The following TMEM87B variants were observed in gnomAD, a reference collection of about 807,000 sequenced individuals.
TMEM87B encodes the protein transmembrane protein 87B.
TMEM87B carries 83 observed loss-of-function variants against 80.3 expected under a neutral mutation model. That is an observed-to-expected ratio of 1.03 (90% CI 0.87 to 1.24). TMEM87B has a LOEUF of 1.24. TMEM87B is among the 50% of genes most tolerant of loss of function. The pLI is 0.00. For synonymous variants in TMEM87B, 219 were observed against 230.5 expected (o/e 0.95, Z 0.45); for missense variants, 625 against 674.4 (o/e 0.93, Z 0.81).
At chr2:112,078,268 G>A (rs1678881176) in intron 6 of TMEM87B, among the ~76,000 whole-genome samples, 1 of 152,204 alleles carries the variant, frequency 6.6e-6, no homozygotes, top group Non-Finnish European at 1.5e-5. Context: ...TTTCCCCACA[G>A]TTCTTGAGGC....
intron 15 of TMEM87B, among the ~76,000 whole-genome samples, chr2:112,104,025 A>G (rs1269213560): frequency 6.6e-6 from 1 of 152,184 alleles, no homozygotes; most frequent in Non-Finnish European, 1.5e-5. Context: ...TGGTACTGGA[A>G]CAACTGGATA....
rs147997685 is a variant in TMEM87B at position 112,078,749 on chromosome 2, A to G, written c.592+1467A>G. On this transcript the variant is annotated intron_variant, in intron 6 of 18. Transcript: ENST00000283206. ...GCATGTTTTGCACTGTACTCGGCAC[A>G]TGGTTTATTATTGCTATCTCAGACA... Among the ~76,000 whole-genome samples the G allele has an allele frequency of 1.6e-4, 24 of 152,306 alleles. No homozygotes were observed. In the East Asian group the frequency reaches 3.9e-3, roughly 25 times the overall value.
intron 9 of TMEM87B, among the ~76,000 whole-genome samples, chr2:112,087,634 G>A (rs1473311116): frequency 2.6e-5 from 4 of 152,020 alleles, no homozygotes; most frequent in East Asian, 1.9e-4. Flanking sequence ...TTCTTGCATC[G>A]TCAGCTTTCC....
chr2:112,083,136 C>T (rs372627500), intron 8 of TMEM87B, among the ~76,000 whole-genome samples: 1 of 152,172 alleles, frequency 6.6e-6, no homozygotes, highest in Non-Finnish European at 1.5e-5. Flanking sequence ...TAGGACCCGA[C>T]GTGGGTATGT....
At chr2:112,057,015 T>C (rs546086218) in intron 1 of TMEM87B, among the ~76,000 whole-genome samples, 1 of 152,334 alleles carries the variant, frequency 6.6e-6, no homozygotes, top group South Asian at 2.1e-4. Flanking sequence ...AGATCTTTGC[T>C]AAGTGTACTG....
intron 9 of TMEM87B, among the ~76,000 whole-genome samples, chr2:112,086,774 G>A (rs748615669): frequency 2.4e-4 from 37 of 152,102 alleles, no homozygotes; most frequent in African/African-American, 8.7e-4. Context: ...GTCGTCCTCA[G>A]CATTTCATCT....
chr2:112,079,829 C>T (rs989460188), intron 6 of TMEM87B, among the ~76,000 whole-genome samples: 1 of 151,622 alleles, frequency 6.6e-6, no homozygotes, highest in African/African-American at 2.4e-5. Flanking sequence ...TTTTAATTTG[C>T]ATTTCTCTAA....
intron 11 of TMEM87B, chr2:112,095,091 C>CCTTT (rs1558844954): frequency 1.2e-6 from 1 of 800,038 alleles, no homozygotes; most frequent in East Asian, 1.2e-4. Context: ...ATAGCCTTAG[C>CCTTT]CTTTCTCCTG....
chr2:112,062,363 A>G (rs1426066903), intron 2 of TMEM87B, among the ~76,000 whole-genome samples: 2 of 152,252 alleles, frequency 1.3e-5, no homozygotes, highest in Non-Finnish European at 2.9e-5. Context: ...TATTAACAGA[A>G]TATAAGAAAT....
chr2:112,069,940 A>C (rs1678572407), intron 4 of TMEM87B, among the ~76,000 whole-genome samples: 1 of 152,124 alleles, frequency 6.6e-6, no homozygotes, highest in Non-Finnish European at 1.5e-5. Context: ...TGAGCTTTTT[A>C]AAATATGCTT....
chr2:112,072,163 TG>T (rs1678658743), intron 4 of TMEM87B, among the ~76,000 whole-genome samples: 2 of 152,340 alleles, frequency 1.3e-5, no homozygotes, highest in South Asian at 4.1e-4. Flanking sequence ...CTTTTTGATG[TG>T]CTGCTGGATT....
intron 1 of TMEM87B, among the ~76,000 whole-genome samples, chr2:112,056,464 C>T (rs1678063595): frequency 6.6e-6 from 1 of 151,928 alleles, no homozygotes; most frequent in South Asian, 2.1e-4. Flanking sequence ...GAAAACTTGG[C>T]GTCTGGTAAT....
chr2:112,072,895 C>CTTTTTTTTTTT (rs71226782), intron 4 of TMEM87B, among the ~76,000 whole-genome samples: 5 of 83,014 alleles, frequency 6.0e-5, no homozygotes, highest in African/African-American at 1.5e-4. Flanking sequence ...AACTCTTCTT[C>CTTTTTTTTTTT]TTTTTTTTTT....
chr2:112,081,710 A>T (rs115693911), intron 8 of TMEM87B, among the ~76,000 whole-genome samples, 192 bp downstream of exon 8: 3 of 152,150 alleles, frequency 2.0e-5, no homozygotes, highest in Non-Finnish European at 4.4e-5. Flanking sequence ...TCTCTTCATT[A>T]TCTGTTTTCC....
At chr2:112,076,649 G>A (rs1678825826) in intron 5 of TMEM87B, among the ~76,000 whole-genome samples, 1 of 151,732 alleles carries the variant, frequency 6.6e-6, no homozygotes, top group African/African-American at 2.4e-5. Flanking sequence ...CCTAGAAAAA[G>A]TTTTTTATTG....
chr2:112,117,105 AC>A lies in TMEM87B; in HGVS notation c.*964del, dbSNP rs1196945128. On this transcript the variant is annotated 3_prime_UTR_variant, in exon 19 of 19. Transcript: ENST00000283206. Reference sequence around the variant, plus strand: ...TTCTTAAGCTTCAACCATGTTTTATACCTTATTTCGTTACATCATATATTTG... The same window carrying A: ...TTCTTAAGCTTCAACCATGTTTTATACTTATTTCGTTACATCATATATTTG... The A allele has an allele frequency of 6.6e-6, 1 of 152,232 alleles. No individual in the cohort carries two copies. Among genetic ancestry groups the A allele is most frequent in the Non-Finnish European group, 1.5e-5 (1 of 68,040 alleles). The allele number at this position is 152,232 out of a possible 1,614,324, so 9.4% of individuals were successfully genotyped here. A position where few individuals can be genotyped will look rare whatever the true frequency, so the allele number is the denominator to read the frequency against.
chr2:112,088,362 T>A (rs1237914732), intron 9 of TMEM87B, among the ~76,000 whole-genome samples: 1 of 152,160 alleles, frequency 6.6e-6, no homozygotes, highest in African/African-American at 2.4e-5. Context: ...TTTAAATGAA[T>A]CCCTTCACTG....
rs762907969 is a variant in TMEM87B at position 112,089,617 on chromosome 2, G to T, written c.939-8G>T. On this transcript the variant is annotated splice_region_variant and splice_polypyrimidine_tract_variant and intron_variant, in intron 9 of 18. Transcript: ENST00000283206. ...TCTTCTTTCTCTGTTTCCTCTTCCT[G>T]ATTCCAGGCCTCGTTTAGGAACAGT... 1 of 1,613,914 alleles carries T rather than the reference G, an allele frequency of 6.2e-7. No individual in the cohort carries two copies. The highest frequency in any genetic ancestry group is 8.5e-7 in the Non-Finnish European group (1 of 1,179,856).
chr2:112,074,774 A>T, intron 4 of TMEM87B, 138 bp from the exon 5 acceptor site: 1 of 1,113,902 alleles, frequency 9.0e-7, no homozygotes. Flanking sequence ...TGTGTTTGGG[A>T]TACAGTGAGA....
Sources: allele counts gnomAD v4.1 joint callset (sites outside exome capture counted in the v4.1 genomes callset), GRCh38; gene constraint gnomAD v4.1.1; transcripts MANE v1.5; gene names NCBI Gene and HGNC (gene_info 2026-07-23, HGNC 2026-07-21).